The following CCNY variants were observed in gnomAD, a reference collection of about 807,000 sequenced individuals.
CCNY encodes cyclin-Y.
Under a neutral mutation model 42.8 loss-of-function variants are expected in CCNY, and 19 were observed. That is an observed-to-expected ratio of 0.44 (90% CI 0.31 to 0.65). The LOEUF is 0.65. Among genes scored for constraint, CCNY ranks in the 30% least tolerant of loss-of-function variants. The pLI is 0.07. For missense variants in CCNY, 370 were observed against 437.3 expected, an observed-to-expected ratio of 0.85 and a Z score of 1.37; for synonymous variants, 165 against 162.7, an observed-to-expected ratio of 1.01 and a Z score of -0.11.
intron 2 of CCNY, among the ~76,000 whole-genome samples, chr10:35,484,012 A>G (rs1839731858): frequency 6.6e-6 from 1 of 152,108 alleles, no homozygotes; most frequent in South Asian, 2.1e-4. Context: ...TTTATGGTTC[A>G]TCCCAGGTGT....
intron 1 of CCNY, among the ~76,000 whole-genome samples, chr10:35,377,523 A>G (rs1354308800): frequency 1.3e-5 from 2 of 152,176 alleles, no homozygotes; most frequent in Non-Finnish European, 2.9e-5. Context: ...GTGTAAGTAC[A>G]CTCTATGACG....
chr10:35,534,301 C>T (rs1364020062), intron 7 of CCNY, among the ~76,000 whole-genome samples: 5 of 152,340 alleles, frequency 3.3e-5, no homozygotes, highest in East Asian at 1.9e-4. Flanking sequence ...GGATTACAGG[C>T]GTGCGCCACC....
intron 1 of CCNY, among the ~76,000 whole-genome samples, chr10:35,418,134 TTA>T (rs1838066458): frequency 1.3e-5 from 2 of 152,230 alleles, no homozygotes; most frequent in Admixed American, 6.5e-5. Context: ...GGCTGAGAGT[TTA>T]TATAACAGAA....
chr10:35,474,513 G>A (rs1839462298), intron 1 of CCNY, among the ~76,000 whole-genome samples: 1 of 152,130 alleles, frequency 6.6e-6, no homozygotes, highest in Non-Finnish European at 1.5e-5. Flanking sequence ...AGCCTAACTG[G>A]GAGGCACCCT....
chr10:35,455,825 T>TA (rs766510525), intron 1 of CCNY, among the ~76,000 whole-genome samples: 4,574 of 99,666 alleles, frequency 0.046, 146 homozygotes, highest in African/African-American at 0.083. Flanking sequence ...TTTTTTTTTT[T>TA]AAAAAAAGAA....
chr10:35,277,602 C>T (rs1361370821), intron 3 of CCNY, among the ~76,000 whole-genome samples: 2 of 152,208 alleles, frequency 1.3e-5, no homozygotes, highest in Non-Finnish European at 2.9e-5. Context: ...GTCGCTGTTT[C>T]TTCTCTATGA....
chr10:35,448,649 G>A (rs1460674593), intron 1 of CCNY, among the ~76,000 whole-genome samples: 6 of 152,066 alleles, frequency 3.9e-5, no homozygotes, highest in Non-Finnish European at 5.9e-5. Flanking sequence ...GACTCCTTGG[G>A]GAAGGAGCCT....
At chr10:35,412,509 G>T (rs1342503979) in intron 1 of CCNY, among the ~76,000 whole-genome samples, 1 of 152,046 alleles carries the variant, frequency 6.6e-6, no homozygotes, top group East Asian at 1.9e-4. Context: ...TATGAGGTCA[G>T]TGTTCTCAGA....
intron 3 of CCNY, among the ~76,000 whole-genome samples, chr10:35,262,457 C>T (rs1477642699): frequency 6.6e-6 from 1 of 151,550 alleles, no homozygotes; most frequent in African/African-American, 2.4e-5. Context: ...CTCCTGGGTT[C>T]AAGCAATTCT....
intron 3 of CCNY, among the ~76,000 whole-genome samples, chr10:35,503,771 C>G (rs1490826018): frequency 6.6e-6 from 1 of 152,128 alleles, no homozygotes; most frequent in Non-Finnish European, 1.5e-5. Flanking sequence ...AAGAAGTTAG[C>G]CAAGTAGACA....
At chr10:35,261,224 C>T (rs1002361174) in intron 3 of CCNY, among the ~76,000 whole-genome samples, 1 of 140,936 alleles carries the variant, frequency 7.1e-6, no homozygotes, top group Non-Finnish European at 1.5e-5. Flanking sequence ...GACCCTGTCT[C>T]TAAAAAAAAA....
At chr10:35,248,480 C>CA (rs1565050998) in intron 2 of CCNY, among the ~76,000 whole-genome samples, 1 of 151,840 alleles carries the variant, frequency 6.6e-6, no homozygotes, top group East Asian at 1.9e-4. Context: ...CCCATCTCTA[C>CA]AAAAAATACA....
chr10:35,291,335 C>T (rs1335416141), intron 3 of CCNY, among the ~76,000 whole-genome samples: 1 of 151,922 alleles, frequency 6.6e-6, no homozygotes, highest in Admixed American at 6.6e-5. Context: ...TAGCTTCTTT[C>T]ACTTAGCATG....
Position 35,524,935 on chromosome 10 carries a change from C to T in CCNY, c.366-1029C>T, listed in dbSNP as rs529728033. Among the ~76,000 whole-genome samples, 11 of 152,218 alleles carry T rather than the reference C, an allele frequency of 7.2e-5. No homozygotes were observed. In the South Asian group the frequency reaches 2.3e-3, roughly 32 times the overall value. ...GATGTTTGGCAATATGTGTTGAGAG[C>T]CTCACCATTGTTAATGACTTGAGGT... On this transcript the variant is annotated intron_variant, in intron 4 of 9. Transcript: ENST00000374704.
chr10:35,315,093 T>C (rs1210633777), intron 3 of CCNY: 3 of 152,032 alleles, frequency 2.0e-5, no homozygotes, highest in Non-Finnish European at 4.4e-5. Context: ...AAAAAATATA[T>C]ATATATTAAA....
At chr10:35,382,770 A>G (rs1016675645) in intron 1 of CCNY, among the ~76,000 whole-genome samples, 3 of 152,216 alleles carry the variant, frequency 2.0e-5, no homozygotes, top group Non-Finnish European at 4.4e-5. Context: ...TAACAGCAGT[A>G]CTTTTCTCAT....
At chr10:35,475,368 AT>A (rs1839484415) in intron 1 of CCNY, among the ~76,000 whole-genome samples, 1 of 152,200 alleles carries the variant, frequency 6.6e-6, no homozygotes, top group African/African-American at 2.4e-5. Flanking sequence ...GAAGGAAAAA[AT>A]GTTAAGGGCA....
intron 1 of CCNY, among the ~76,000 whole-genome samples, chr10:35,436,292 C>T (rs1838531210): frequency 6.6e-6 from 1 of 152,212 alleles, no homozygotes; most frequent in Non-Finnish European, 1.5e-5. Context: ...TGAGCTGATC[C>T]TTATGGGTCC....
At chr10:35,287,937 T>C (rs1350695755) in intron 3 of CCNY, among the ~76,000 whole-genome samples, 1 of 152,186 alleles carries the variant, frequency 6.6e-6, no homozygotes, top group Non-Finnish European at 1.5e-5. Flanking sequence ...AAAAAGTCTT[T>C]ATATGGATGT....
Sources: gnomAD v4.1 joint callset for allele counts (sites outside exome capture counted in the v4.1 genomes callset) on GRCh38, gnomAD v4.1.1 for gene constraint, MANE v1.5 for transcripts, NCBI Gene and HGNC (gene_info 2026-07-23, HGNC 2026-07-21) for gene names.